Variants in SBF2 observed in about 807,000 individuals in gnomAD.
SBF2 encodes the protein myotubularin-related protein 13.
Under a neutral mutation model 225.2 loss-of-function variants are expected in SBF2, and 112 were observed. That is an observed-to-expected ratio of 0.50 (90% CI 0.43 to 0.58). SBF2 has a LOEUF of 0.58. Among genes scored for constraint, SBF2 ranks in the 20% least tolerant of loss-of-function variants. The pLI, the probability that SBF2 is intolerant of heterozygous loss-of-function variation, is 0.00. For missense variants in SBF2, 1,996 were observed against 2,206.2 expected (o/e 0.90, Z 1.91); for synonymous variants, 763 against 773.3 (o/e 0.99, Z 0.22).
At chr11:9,804,262 C>T (rs1269941248) in intron 32 of SBF2, among the ~76,000 whole-genome samples, 2 of 152,148 alleles carry the variant, frequency 1.3e-5, no homozygotes, top group Admixed American at 6.5e-5. Flanking sequence ...ACTGGGATTT[C>T]CCTGGACCTA....
intron 2 of SBF2, among the ~76,000 whole-genome samples, chr11:10,066,000 T>G (rs1950612100): frequency 6.6e-6 from 1 of 151,846 alleles, no homozygotes; most frequent in African/African-American, 2.4e-5. Flanking sequence ...CAAACCTCAC[T>G]CATGAAGACA....
chr11:10,221,070 T>C (rs1958322822), intron 1 of SBF2, among the ~76,000 whole-genome samples: 1 of 151,970 alleles, frequency 6.6e-6, no homozygotes, highest in Admixed American at 6.6e-5. Context: ...CTTTCACTTA[T>C]ATTACTATTT....
chr11:10,198,766 T>C (rs908654426), intron 1 of SBF2, among the ~76,000 whole-genome samples: 3 of 152,264 alleles, frequency 2.0e-5, no homozygotes, highest in African/African-American at 7.2e-5. Context: ...AAGCACTTGC[T>C]GCTTCACCTT....
chr11:10,149,742 T>C (rs1401233405), intron 2 of SBF2, among the ~76,000 whole-genome samples: 1 of 152,182 alleles, frequency 6.6e-6, no homozygotes, highest in African/African-American at 2.4e-5. Context: ...CTCTCTCTGC[T>C]GTAACAACTA....
intron 6 of SBF2, among the ~76,000 whole-genome samples, chr11:10,019,972 G>A (rs2134591619): frequency 6.6e-6 from 1 of 152,154 alleles, no homozygotes; most frequent in African/African-American, 2.4e-5. Flanking sequence ...TCCTACAAAT[G>A]TTCTTATTGT....
At chr11:9,932,389 A>C (rs994905569) in intron 16 of SBF2, among the ~76,000 whole-genome samples, 1 of 152,216 alleles carries the variant, frequency 6.6e-6, no homozygotes, top group African/African-American at 2.4e-5. Flanking sequence ...GAGAAAGGTC[A>C]GGTTACCCAC....
At chr11:10,002,776 A>C in intron 6 of SBF2, 87 bp from the exon 7 acceptor site, 1 of 1,324,576 alleles carries the variant, frequency 7.5e-7, no homozygotes, top group South Asian at 1.2e-5. Flanking sequence ...GGAAAGAAAA[A>C]GCCAGTAATT....
chr11:9,815,949 T>C (rs1473919020), intron 29 of SBF2, among the ~76,000 whole-genome samples: 1 of 152,136 alleles, frequency 6.6e-6, no homozygotes, highest in African/African-American at 2.4e-5. Context: ...GTTACTGGCA[T>C]CTTAAGGGCC....
intron 32 of SBF2, among the ~76,000 whole-genome samples, chr11:9,802,775 G>T (rs1313219944): frequency 1.3e-5 from 2 of 152,200 alleles, no homozygotes; most frequent in South Asian, 4.1e-4. Context: ...GTCAGCAAGA[G>T]TCAGAAAAAC....
chr11:10,250,876 AC>A (rs1960275414), intron 1 of SBF2, among the ~76,000 whole-genome samples: 1 of 152,272 alleles, frequency 6.6e-6, no homozygotes, highest in Admixed American at 6.5e-5. Flanking sequence ...GAAACTGTAC[AC>A]CCACTGGAAC....
intron 1 of SBF2, among the ~76,000 whole-genome samples, chr11:10,224,498 C>T (rs1958462490): frequency 6.6e-6 from 1 of 152,168 alleles, no homozygotes; most frequent in African/African-American, 2.4e-5. Context: ...TCTGTATGAT[C>T]TGGCCCCTAC....
intron 33 of SBF2, among the ~76,000 whole-genome samples, chr11:9,791,443 CT>C: frequency 6.9e-6 from 1 of 144,934 alleles, no homozygotes; most frequent in Non-Finnish European, 1.5e-5. Flanking sequence ...AAAAAAAAGA[CT>C]CAAGCCCAAG....
At chr11:10,080,609 C>T (rs1417928057) in intron 2 of SBF2, among the ~76,000 whole-genome samples, 1 of 151,490 alleles carries the variant, frequency 6.6e-6, no homozygotes, top group Admixed American at 6.6e-5. Flanking sequence ...AAAAACCTTA[C>T]ATATCAATAT....
intron 16 of SBF2, among the ~76,000 whole-genome samples, chr11:9,953,356 T>C (rs181588344): frequency 9.2e-4 from 140 of 152,068 alleles, no homozygotes; most frequent in Admixed American, 1.7e-3. Flanking sequence ...AGGCAGAGAA[T>C]TGCTTAAACC....
intron 1 of SBF2, among the ~76,000 whole-genome samples, chr11:10,267,008 C>T (rs1393755438): frequency 3.3e-5 from 5 of 152,150 alleles, no homozygotes; most frequent in Admixed American, 1.3e-4. Flanking sequence ...GCAGGAGAAT[C>T]GCTTGAACCT....
intron 1 of SBF2, among the ~76,000 whole-genome samples, chr11:10,227,850 C>CTG (rs1162452538): frequency 3.3e-5 from 5 of 151,524 alleles, no homozygotes; most frequent in African/African-American, 2.4e-5. Context: ...TTTTCCAATT[C>CTG]TGTGAAGAAA....
At position 9,856,724 on chromosome 11, in the gene SBF2, A is replaced by T; in HGVS notation, c.2101-4T>A. 6.2e-7 allele frequency: 1 copy of T among 1,613,566 alleles called. No homozygotes were observed. The highest frequency in any genetic ancestry group is 8.5e-7 in the Non-Finnish European group (1 of 1,179,936). ...AATGGTCATCAGGAAGCTTATCCTAAAAAATAAAGCAACACAATCCAAAAG... is the reference window on the plus strand; with the variant it reads ...AATGGTCATCAGGAAGCTTATCCTATAAAATAAAGCAACACAATCCAAAAG... On this transcript the variant is annotated splice_polypyrimidine_tract_variant and splice_region_variant and intron_variant, in intron 18 of 39. Transcript: ENST00000256190.
intron 2 of SBF2, among the ~76,000 whole-genome samples, chr11:10,187,546 A>G (rs1956980435): frequency 6.6e-6 from 1 of 152,054 alleles, no homozygotes; most frequent in Admixed American, 6.6e-5. Flanking sequence ...GGGACATTTA[A>G]AAGAAGAATG....
intron 27 of SBF2, among the ~76,000 whole-genome samples, chr11:9,830,023 G>A (rs1855293184): frequency 6.6e-6 from 1 of 152,240 alleles, no homozygotes; most frequent in Non-Finnish European, 1.5e-5. Flanking sequence ...AAGATTTGTA[G>A]AGGGAAGAGT....
Sources: gnomAD v4.1 joint callset for allele counts (sites outside exome capture counted in the v4.1 genomes callset) on GRCh38, gnomAD v4.1.1 for gene constraint, MANE v1.5 for transcripts, NCBI Gene and HGNC (gene_info 2026-07-23, HGNC 2026-07-21) for gene names.